Variants in PCDH9 observed in about 807,000 individuals in gnomAD.
PCDH9 encodes protocadherin-9.
Under a neutral mutation model 70.6 loss-of-function variants are expected in PCDH9, and 24 were observed. The ratio of observed to expected loss-of-function variants is 0.34; its 90% confidence interval spans 0.25 to 0.48. The LOEUF (loss-of-function observed/expected upper bound fraction) is 0.48. PCDH9 is among the 20% of genes least tolerant of loss of function. PCDH9 has a pLI of 0.99. For missense variants in PCDH9, 1,281 were observed against 1,503.6 expected, an observed-to-expected ratio of 0.85 and a Z score of 2.45; for synonymous variants, 562 against 558.5, an observed-to-expected ratio of 1.01 and a Z score of -0.09.
intron 2 of PCDH9, among the ~76,000 whole-genome samples, chr13:66,978,753 A>T (rs1311517961): frequency 6.7e-6 from 1 of 149,698 alleles, no homozygotes. Context: ...ATGTAACTGT[A>T]TATAAATGTA....
At chr13:66,483,421 AC>A (rs1958877481) in intron 4 of PCDH9, among the ~76,000 whole-genome samples, 1 of 152,210 alleles carries the variant, frequency 6.6e-6, no homozygotes, top group South Asian at 2.1e-4. Flanking sequence ...CACCAATACA[AC>A]AATGTCCTGA....
At chr13:66,313,212 T>C (rs1320128507) in intron 4 of PCDH9, among the ~76,000 whole-genome samples, 2 of 152,244 alleles carry the variant, frequency 1.3e-5, no homozygotes, top group Admixed American at 1.3e-4. Context: ...CAACTTTCAA[T>C]GTTTAAGCAA....
intron 2 of PCDH9, among the ~76,000 whole-genome samples, chr13:67,061,666 C>A (rs1295270369): frequency 6.6e-6 from 1 of 151,944 alleles, no homozygotes; most frequent in Non-Finnish European, 1.5e-5. Flanking sequence ...TTTCTCATTC[C>A]CCTTCATGTC....
chr13:67,139,932 G>C (rs1050705037), intron 2 of PCDH9, among the ~76,000 whole-genome samples: 2 of 150,948 alleles, frequency 1.3e-5, no homozygotes, highest in African/African-American at 2.4e-5. Flanking sequence ...TTTGTGACAG[G>C]ATAGAATAGT....
Position 66,473,823 on chromosome 13 carries a change from T to C in PCDH9, c.3340+157387A>G, listed in dbSNP as rs575118842. 2.0e-5 allele frequency among the ~76,000 whole-genome samples: 3 copies of C among 152,286 alleles called. No individual in the cohort carries two copies. In the East Asian group the frequency reaches 5.8e-4, roughly 29 times the overall value. On this transcript the variant is annotated intron_variant, in intron 4 of 4. Coordinates refer to ENST00000377865, the MANE Select transcript of PCDH9 (RefSeq NM_203487.3). ...ATGCTACAAAGAAAAAAGCAAATTTTGAAGGAACATATCTGGCTCTCTATC... is the reference window on the plus strand; with the variant it reads ...ATGCTACAAAGAAAAAAGCAAATTTCGAAGGAACATATCTGGCTCTCTATC...
chr13:67,095,341 G>T (rs2086298693), intron 2 of PCDH9, among the ~76,000 whole-genome samples: 1 of 152,002 alleles, frequency 6.6e-6, no homozygotes, highest in Non-Finnish European at 1.5e-5. Flanking sequence ...TACATTTAAA[G>T]TCATAGAATA....
intron 4 of PCDH9, among the ~76,000 whole-genome samples, chr13:66,526,327 C>T (rs981574474): frequency 6.6e-6 from 1 of 152,000 alleles, no homozygotes; most frequent in Non-Finnish European, 1.5e-5. Context: ...TAATAAAACA[C>T]GAGAATAAGA....
intron 2 of PCDH9, among the ~76,000 whole-genome samples, chr13:67,022,314 T>A (rs752636602): frequency 1.9e-4 from 29 of 151,502 alleles, no homozygotes; most frequent in Non-Finnish European, 1.9e-4. Flanking sequence ...AGAGATGGGG[T>A]TTCTCCGTGT....
chr13:66,803,273 G>T (rs1036339892), intron 3 of PCDH9, among the ~76,000 whole-genome samples: 1 of 152,046 alleles, frequency 6.6e-6, no homozygotes, highest in Non-Finnish European at 1.5e-5. Flanking sequence ...ACAGTAAATG[G>T]TCTGATTAAA....
chr13:66,751,638 A>C (rs114654873), intron 3 of PCDH9, among the ~76,000 whole-genome samples: 295 of 152,350 alleles, frequency 1.9e-3, no homozygotes, highest in African/African-American at 6.9e-3. Flanking sequence ...ATAGTTCAAT[A>C]AGACTCTTTA....
At chr13:66,409,950 C>A (rs1032702843) in intron 4 of PCDH9, among the ~76,000 whole-genome samples, 1 of 152,174 alleles carries the variant, frequency 6.6e-6, no homozygotes, top group Non-Finnish European at 1.5e-5. Context: ...CCAGTAGTCA[C>A]CTAACAGCAG....
At chr13:66,468,294 T>C (rs1379472543) in intron 4 of PCDH9, among the ~76,000 whole-genome samples, 1 of 152,034 alleles carries the variant, frequency 6.6e-6, no homozygotes, top group African/African-American at 2.4e-5. Flanking sequence ...TAAAAATCAA[T>C]TGAAAAACAG....
At chr13:66,664,265 T>G (rs879392555) in intron 3 of PCDH9, among the ~76,000 whole-genome samples, 9 of 152,220 alleles carry the variant, frequency 5.9e-5, no homozygotes, top group Admixed American at 3.3e-4. Flanking sequence ...GTCTTGGATA[T>G]GCACAAATAA....
intron 3 of PCDH9, among the ~76,000 whole-genome samples, chr13:66,860,458 G>A (rs2081464622): frequency 6.6e-6 from 1 of 152,202 alleles, no homozygotes; most frequent in Non-Finnish European, 1.5e-5. Context: ...AGGAGGCATT[G>A]TGGGAGGCTC....
At chr13:66,811,308 ACCGCTGGATT>A (rs1222634888) in intron 3 of PCDH9, among the ~76,000 whole-genome samples, 1 of 152,176 alleles carries the variant, frequency 6.6e-6, no homozygotes, top group Non-Finnish European at 1.5e-5. Flanking sequence ...ATGGCCCAAA[ACCGCTGGATT>A]AACAATTCTG....
intron 4 of PCDH9, among the ~76,000 whole-genome samples, chr13:66,592,840 A>G (rs2077054647): frequency 6.6e-6 from 1 of 151,802 alleles, no homozygotes; most frequent in African/African-American, 2.4e-5. Flanking sequence ...AGATTACTTT[A>G]CGTGAAAATG....
intron 2 of PCDH9, among the ~76,000 whole-genome samples, chr13:66,904,514 C>T (rs2082328342): frequency 6.6e-6 from 1 of 151,874 alleles, no homozygotes; most frequent in African/African-American, 2.4e-5. Flanking sequence ...GTTGTGCCCC[C>T]AGAAAAGGTT....
intron 4 of PCDH9, among the ~76,000 whole-genome samples, chr13:66,313,380 C>T (rs1174229900): frequency 2.0e-5 from 3 of 152,144 alleles, no homozygotes; most frequent in Non-Finnish European, 4.4e-5. Context: ...TTGCAATTTG[C>T]ATTGTTTCTC....
intron 4 of PCDH9, among the ~76,000 whole-genome samples, chr13:66,349,811 A>G (rs1446992938): frequency 6.6e-6 from 1 of 152,208 alleles, no homozygotes; most frequent in African/African-American, 2.4e-5. Context: ...GCATGTCTTA[A>G]CAAGGTTGGA....
Sources: gnomAD v4.1 joint callset for allele counts (sites outside exome capture counted in the v4.1 genomes callset) on GRCh38, gnomAD v4.1.1 for gene constraint, MANE v1.5 for transcripts, NCBI Gene and HGNC (gene_info 2026-07-23, HGNC 2026-07-21) for gene names.